HAUS8: variants seen among roughly 807,000 people sequenced by gnomAD.
The protein encoded by HAUS8 is HAUS augmin like complex subunit 8.
A neutral mutation model predicts 42.9 loss-of-function variants in HAUS8; 38 were observed. The observed-to-expected ratio is 0.89, with a 90% CI of 0.68 to 1.16. The LOEUF (loss-of-function observed/expected upper bound fraction) is 1.16, where lower values mean the gene tolerates loss of function less well. Among genes scored for constraint, HAUS8 ranks in the 50% most tolerant of loss-of-function variants. The pLI is 0.00. For missense variants in HAUS8, 494 were observed against 511.6 expected (o/e 0.97, Z 0.33); for synonymous variants, 199 against 205.8 (o/e 0.97, Z 0.28).
At chr19:17,075,240 G>C in intron 1 of HAUS8, 154 bp downstream of exon 1, 1 of 791,108 alleles carries the variant, frequency 1.3e-6, no homozygotes, top group Non-Finnish European at 2.1e-6. Flanking sequence ...CATGCGCAGA[G>C]GCAGCACGCC....
intron 3 of HAUS8, among the ~76,000 whole-genome samples, chr19:17,068,099 CTTTTTTTTTT>C (rs889723027): frequency 2.0e-4 from 19 of 93,508 alleles, no homozygotes; most frequent in Non-Finnish European, 3.8e-4. Flanking sequence ...TTATTTTATT[CTTTTTTTTTT>C]TTTTTTTTTT....
intron 3 of HAUS8, among the ~76,000 whole-genome samples, chr19:17,068,532 C>T (rs1191696226): frequency 1.3e-5 from 2 of 152,054 alleles, no homozygotes; most frequent in Non-Finnish European, 2.9e-5. Flanking sequence ...TTTGGGAGGC[C>T]GAGGCGGGAG....
chr19:17,063,211 C>T (rs2057370924), intron 3 of HAUS8, among the ~76,000 whole-genome samples: 2 of 152,152 alleles, frequency 1.3e-5, no homozygotes, highest in African/African-American at 4.8e-5. Flanking sequence ...TTATAAAGAG[C>T]AATGGCCAGG....
At chr19:17,056,704 C>T (rs1485217647) in intron 8 of HAUS8, among the ~76,000 whole-genome samples, 2 of 152,090 alleles carry the variant, frequency 1.3e-5, no homozygotes, top group Non-Finnish European at 2.9e-5. Context: ...AATTCTTGCG[C>T]CTCAGTCTCC....
At position 17,075,393 on chromosome 19, in the gene HAUS8, C is replaced by G. The variant is rs1404363096; in HGVS notation, c.29+1G>C. 1 of 1,614,010 alleles carries G rather than the reference C, an allele frequency of 6.2e-7. No homozygotes were observed. The highest frequency in any genetic ancestry group is 8.5e-7 in the Non-Finnish European group (1 of 1,179,940). On this transcript the variant is annotated splice_donor_variant, in intron 1 of 10. Transcript: ENST00000253669. LOFTEE classifies it high-confidence loss of function. ...CCAGACCTGCGGAAGCCCCAACTCACCCAGCGCCTCGCCCCGAGGAATCCG... is the reference window on the plus strand; with the variant it reads ...CCAGACCTGCGGAAGCCCCAACTCAGCCAGCGCCTCGCCCCGAGGAATCCG...
At chr19:17,059,227 C>T (rs1226416846) in intron 6 of HAUS8, among the ~76,000 whole-genome samples, 2 of 152,206 alleles carry the variant, frequency 1.3e-5, no homozygotes, top group Non-Finnish European at 2.9e-5. Context: ...CAGTCTTGTC[C>T]TCACCCCAGT....
At chr19:17,071,207 T>C (rs7259348) in intron 2 of HAUS8, among the ~76,000 whole-genome samples, 120,613 of 152,154 alleles carry the variant, frequency 0.79, 48,696 homozygotes, top group African/African-American at 0.94. Flanking sequence ...ATTGTGACTT[T>C]GACCATATCT....
intron 2 of HAUS8, among the ~76,000 whole-genome samples, chr19:17,072,921 G>A (rs2057437003): frequency 7.1e-6 from 1 of 140,170 alleles, no homozygotes; most frequent in South Asian, 2.2e-4. Context: ...TTCGAGACCA[G>A]CCTGGGTAAC....
At chr19:17,059,364 C>T (rs894495397) in intron 6 of HAUS8, among the ~76,000 whole-genome samples, 193 bp downstream of exon 6, 4 of 152,216 alleles carry the variant, frequency 2.6e-5, no homozygotes, top group Non-Finnish European at 5.9e-5. Flanking sequence ...GTATCCACTA[C>T]TGAATGTGTA....
At chr19:17,071,525 C>T (rs535126125) in intron 2 of HAUS8, among the ~76,000 whole-genome samples, 182 of 152,316 alleles carry the variant, frequency 1.2e-3, no homozygotes, top group Non-Finnish European at 2.0e-3. Flanking sequence ...GGTGATCGAA[C>T]AGCTGAGAGA....
intron 4 of HAUS8, among the ~76,000 whole-genome samples, chr19:17,062,360 G>A (rs986263927): frequency 1.3e-5 from 2 of 152,158 alleles, no homozygotes; most frequent in Non-Finnish European, 2.9e-5. Flanking sequence ...TCGAACTCCC[G>A]ACCTCAGGAT....
At chr19:17,066,541 C>A (rs530888342) in intron 3 of HAUS8, among the ~76,000 whole-genome samples, 39 of 152,260 alleles carry the variant, frequency 2.6e-4, no homozygotes, top group Non-Finnish European at 3.8e-4. Context: ...GTTCTAGAGG[C>A]AGAAGAGGGG....
Position 17,059,558 on chromosome 19 carries a change from G to A in HAUS8, c.419C>T (p.Pro140Leu), listed in dbSNP as rs779654027. Reference protein sequence around the residue: ...TSFSAPRKKSPDLSEAMEMME... With the variant: ...TSFSAPRKKSLDLSEAMEMME... ...TGCCCTCTTCTTTCAGACACTTACCGGGCTCTTTTTCCGAGGGGCAGAAAA... is the reference window on the plus strand; with the variant it reads ...TGCCCTCTTCTTTCAGACACTTACCAGGCTCTTTTTCCGAGGGGCAGAAAA... Residue 140 changes from proline to leucine, a missense_variant and splice_region_variant, in exon 6 of 11, where the codon CCG becomes CTG. Transcript: ENST00000253669. The A allele has an allele frequency of 4.4e-5, 71 of 1,609,008 alleles. No homozygotes were observed. The highest frequency in any genetic ancestry group is 1.6e-4 in the Middle Eastern group (1 of 6,070).
rs559498838 is a variant in HAUS8, at chr19:17,071,771, C to T, written c.91+1503G>A. On this transcript the variant is annotated intron_variant, in intron 2 of 10. Coordinates refer to ENST00000253669, the MANE Select transcript of HAUS8 (RefSeq NM_033417.2). ...CAGCACTTTGGGAGGCCGAGGTGGA[C>T]GGATCACTTGAGGTCAGAAGTTTGA... Among the ~76,000 whole-genome samples the T allele has an allele frequency of 7.9e-5, 12 of 152,142 alleles. No homozygotes were observed. In the East Asian group the frequency reaches 1.7e-3, roughly 22 times the overall value.
chr19:17,072,357 TTTTTG>T, intron 2 of HAUS8, among the ~76,000 whole-genome samples: 1 of 148,550 alleles, frequency 6.7e-6, no homozygotes, highest in African/African-American at 2.5e-5. Flanking sequence ...TTTTTTTTTT[TTTTTG>T]AGATGGAGTT....
chr19:17,067,582 A>C (rs1419001084), intron 3 of HAUS8, among the ~76,000 whole-genome samples: 1 of 152,182 alleles, frequency 6.6e-6, no homozygotes, highest in Non-Finnish European at 1.5e-5. Context: ...GAAAAGATCT[A>C]AAGGGCTAAA....
chr19:17,063,105 G>A (rs1226352560), intron 3 of HAUS8, among the ~76,000 whole-genome samples: 1 of 152,174 alleles, frequency 6.6e-6, no homozygotes. Flanking sequence ...GTCATCAGGA[G>A]AAACAAAGTT....
At chr19:17,075,308 G>A in intron 1 of HAUS8, 86 bp downstream of exon 1, 5 of 1,471,956 alleles carry the variant, frequency 3.4e-6, no homozygotes, top group Non-Finnish European at 4.8e-6. Context: ...AACTCACCCC[G>A]AGGGTCCTAA....
intron 3 of HAUS8, among the ~76,000 whole-genome samples, chr19:17,066,920 C>G (rs939777894): frequency 5.3e-5 from 8 of 152,118 alleles, no homozygotes; most frequent in Non-Finnish European, 1.0e-4. Flanking sequence ...TAAGAAGGAA[C>G]CAGGCCGGGC....
Sources: allele counts gnomAD v4.1 joint callset (sites outside exome capture counted in the v4.1 genomes callset), GRCh38; gene constraint gnomAD v4.1.1; transcripts MANE v1.5; gene names NCBI Gene and HGNC (gene_info 2026-07-23, HGNC 2026-07-21).